Variants in CDH18 observed in about 807,000 individuals in gnomAD.
The protein encoded by CDH18 is cadherin 18.
CDH18 carries 31 observed loss-of-function variants against 67.9 expected under a neutral mutation model. The observed-to-expected ratio is 0.46, with a 90% CI of 0.34 to 0.62. The LOEUF is 0.62. Ranked by LOEUF, CDH18 falls within the 20% of genes least tolerant of loss-of-function variation. CDH18 has a pLI of 0.01. For synonymous variants in CDH18, 362 were observed against 347.2 expected (o/e 1.04, Z -0.48); for missense variants, 890 against 975.5 (o/e 0.91, Z 1.17).
At chr5:19,846,403 C>G (rs1452195766) in intron 2 of CDH18, among the ~76,000 whole-genome samples, 1 of 151,966 alleles carries the variant, frequency 6.6e-6, no homozygotes, top group Non-Finnish European at 1.5e-5. Flanking sequence ...TACCTTCATA[C>G]CAGAATTTAA....
chr5:20,014,034 C>T (rs1185945388), intron 2 of CDH18, among the ~76,000 whole-genome samples: 2 of 151,948 alleles, frequency 1.3e-5, no homozygotes, highest in Non-Finnish European at 2.9e-5. Context: ...TACAAAAATA[C>T]CAATGACAGA....
chr5:20,392,214 G>A (rs1580892481), intron 1 of CDH18, among the ~76,000 whole-genome samples: 1 of 151,478 alleles, frequency 6.6e-6, no homozygotes, highest in Admixed American at 6.6e-5. Context: ...CAGTGAGAAT[G>A]GTACCAAATA....
chr5:20,551,820 G>A (rs965071199), intron 1 of CDH18, among the ~76,000 whole-genome samples: 8 of 151,346 alleles, frequency 5.3e-5, no homozygotes, highest in Non-Finnish European at 8.8e-5. Context: ...GTGTAGGTCT[G>A]TAAGTCAGTG....
chr5:19,692,942 A>G lies in CDH18; in HGVS notation c.643+28405T>C, dbSNP rs528481028. Among the ~76,000 whole-genome samples, 107 of 152,238 alleles carry G rather than the reference A, an allele frequency of 7.0e-4. 1 individual carries two copies. Among genetic ancestry groups the G allele is most frequent in the African/African-American group, 2.5e-3 (103 of 41,570 alleles). Reference sequence around the variant, plus strand: ...ATATCAAAGGTATAACTACACCTCTATATCTATTGCAGCAAATAACTTCAC... The same window carrying G: ...ATATCAAAGGTATAACTACACCTCTGTATCTATTGCAGCAAATAACTTCAC... On this transcript the variant is annotated intron_variant, in intron 5 of 12. Coordinates refer to ENST00000382275, the MANE Select transcript of CDH18 (RefSeq NM_004934.5).
chr5:19,695,530 G>C (rs1228768827), intron 5 of CDH18, among the ~76,000 whole-genome samples: 1 of 151,622 alleles, frequency 6.6e-6, no homozygotes, highest in Non-Finnish European at 1.5e-5. Flanking sequence ...GTTTTTTTTC[G>C]CTTGACATAC....
At chr5:20,066,671 CTTT>C (rs1041968760) in intron 2 of CDH18, among the ~76,000 whole-genome samples, 2 of 151,534 alleles carry the variant, frequency 1.3e-5, no homozygotes, top group African/African-American at 4.8e-5. Flanking sequence ...ATTTTTCATA[CTTT>C]TTTTCTTTAA....
chr5:19,625,286 C>T (rs1370305222), intron 5 of CDH18, among the ~76,000 whole-genome samples: 1 of 151,926 alleles, frequency 6.6e-6, no homozygotes, highest in Non-Finnish European at 1.5e-5. Context: ...TTCTTATTTT[C>T]ATGCAAATTT....
At position 20,136,617 on chromosome 5, in the gene CDH18, T is replaced by G. The variant is rs540737888; in HGVS notation, c.-518+118827A>C. On this transcript the variant is annotated intron_variant, in intron 2 of 14. Transcript: ENST00000507958. Reference sequence around the variant, plus strand: ...AAGGTTAATACTGTTATGTGTGAATTTGATCCTTTCATTATGATGTTAGCT... The same window carrying G: ...AAGGTTAATACTGTTATGTGTGAATGTGATCCTTTCATTATGATGTTAGCT... Among the ~76,000 whole-genome samples, 3 of 152,292 alleles carry G rather than the reference T, an allele frequency of 2.0e-5. No individual in the cohort carries two copies. In the East Asian group the frequency reaches 5.8e-4, roughly 29 times the overall value.
chr5:19,939,438 T>A (rs1488945822), intron 2 of CDH18, among the ~76,000 whole-genome samples: 1 of 151,728 alleles, frequency 6.6e-6, no homozygotes, highest in African/African-American at 2.4e-5. Context: ...TCTAAAAATG[T>A]CTATTTTTGA....
At chr5:20,488,624 C>T (rs376089716) in intron 1 of CDH18, among the ~76,000 whole-genome samples, 41 of 146,878 alleles carry the variant, frequency 2.8e-4, no homozygotes, top group Non-Finnish European at 4.9e-4. Flanking sequence ...GCCTTGGTAA[C>T]GATAATGTAG....
At chr5:19,662,799 A>T (rs189527906) in intron 5 of CDH18, among the ~76,000 whole-genome samples, 220 of 152,202 alleles carry the variant, frequency 1.4e-3, no homozygotes, top group Non-Finnish European at 2.7e-3. Context: ...TTAAAATTAT[A>T]GCACTCTGTA....
chr5:20,224,064 G>A (rs182478144), intron 2 of CDH18, among the ~76,000 whole-genome samples: 2 of 152,102 alleles, frequency 1.3e-5, no homozygotes, highest in Non-Finnish European at 2.9e-5. Flanking sequence ...TTTCTGTAAT[G>A]GTTTCTTATT....
At chr5:19,696,160 T>A (rs1467259391) in intron 5 of CDH18, among the ~76,000 whole-genome samples, 2 of 152,124 alleles carry the variant, frequency 1.3e-5, no homozygotes, top group African/African-American at 4.8e-5. Flanking sequence ...GGGTATATTA[T>A]GTAACCAACA....
At chr5:19,669,018 C>G (rs1758347045) in intron 5 of CDH18, among the ~76,000 whole-genome samples, 1 of 150,492 alleles carries the variant, frequency 6.6e-6, no homozygotes, top group Non-Finnish European at 1.5e-5. Flanking sequence ...TCAACACACA[C>G]TCTGTGTCTA....
At chr5:19,706,551 G>C (rs143987156) in intron 5 of CDH18, among the ~76,000 whole-genome samples, 12,077 of 152,206 alleles carry the variant, frequency 0.079, 673 homozygotes, top group Middle Eastern at 0.14. Flanking sequence ...TGGGAGACTA[G>C]CTTATGTACA....
intron 1 of CDH18, among the ~76,000 whole-genome samples, chr5:20,389,275 C>G (rs1580885119): frequency 1.3e-5 from 2 of 152,166 alleles, no homozygotes; most frequent in Non-Finnish European, 1.5e-5. Context: ...GTTAGCTCTT[C>G]TTGTTGAATT....
chr5:19,626,258 T>C (rs571848231), intron 5 of CDH18, among the ~76,000 whole-genome samples: 2 of 152,252 alleles, frequency 1.3e-5, no homozygotes, highest in East Asian at 3.9e-4. Flanking sequence ...TGAGCCCATA[T>C]TAAAGATATT....
At chr5:20,283,606 G>T (rs1166489960) in intron 1 of CDH18, among the ~76,000 whole-genome samples, 2 of 151,980 alleles carry the variant, frequency 1.3e-5, no homozygotes, top group Non-Finnish European at 2.9e-5. Context: ...AATAATAAAT[G>T]CTGGTTAAGT....
chr5:19,597,731 T>C (rs1746401155), intron 6 of CDH18, among the ~76,000 whole-genome samples: 1 of 152,220 alleles, frequency 6.6e-6, no homozygotes, highest in South Asian at 2.1e-4. Context: ...AGGTGATGCT[T>C]CTAAGTGAGC....
Sources: allele counts gnomAD v4.1 joint callset (sites outside exome capture counted in the v4.1 genomes callset), GRCh38; gene constraint gnomAD v4.1.1; transcripts MANE v1.5; gene names NCBI Gene and HGNC (gene_info 2026-07-23, HGNC 2026-07-21).